The following SHOX variants were observed in gnomAD, a reference collection of about 807,000 sequenced individuals.
SHOX encodes SHOX homeobox.
Under a neutral mutation model 29.6 loss-of-function variants are expected in SHOX, and 12 were observed. That is an observed-to-expected ratio of 0.41 (90% CI 0.26 to 0.66). The LOEUF is 0.66. Among genes scored for constraint, SHOX ranks in the 30% least tolerant of loss-of-function variants. The probability of loss-of-function intolerance (pLI) is 0.35; values close to 1 mark genes in which losing one functional copy is unlikely to be tolerated. For missense variants in SHOX, 499 were observed against 437.7 expected (o/e 1.14, Z -1.25); for synonymous variants, 214 against 200.6 (o/e 1.07, Z -0.57).
intron 2 of SHOX, among the ~76,000 whole-genome samples, chrX:637,804 C>CGTGCT (rs1569494227): frequency 6.6e-6 from 1 of 152,122 alleles, no homozygotes; most frequent in South Asian, 2.1e-4. Context: ...CAGCCCGTCC[C>CGTGCT]GTGCTGTGAC....
At chrX:630,754 C>T (rs749268122), upstream of SHOX, 2 of 1,057,996 alleles carry the variant, frequency 1.9e-6, no homozygotes, top group Admixed American at 2.0e-5. Context: ...TGGGCGAGGT[C>T]GCCGCGTATA....
rs1195688907 is a variant in SHOX at position 646,531 on chromosome X, A to C, written c.*1895A>C. ...TTAGATACTTCTCCCTGAGGTGGGG[A>C]TAAAAGAAAAAAAAAAACAACTTCT... On this transcript the variant is annotated 3_prime_UTR_variant, in exon 5 of 5. Coordinates refer to ENST00000686671, the MANE Select transcript of SHOX (RefSeq NM_000451.4). The C allele has an allele frequency of 1.5e-5, 2 of 136,638 alleles. No individual in the cohort carries two copies. Among genetic ancestry groups the C allele is most frequent in the Admixed American group, 1.4e-4 (2 of 14,452 alleles). The allele number at this position is 136,638 out of a possible 1,614,324, so 8.5% of individuals were successfully genotyped here. A position where few individuals can be genotyped will look rare whatever the true frequency, so the allele number is the denominator to read the frequency against.
At chrX:641,520 C>G (rs1242441791) in intron 4 of SHOX, among the ~76,000 whole-genome samples, 4 of 152,058 alleles carry the variant, frequency 2.6e-5, no homozygotes, top group African/African-American at 4.8e-5. Context: ...GAAACCCCGT[C>G]TCTACTGAAA....
rs868781287 is a variant in SHOX, at chrX:648,984, T to G, written c.*4348T>G. Among the ~76,000 whole-genome samples, 6 of 145,870 alleles carry G rather than the reference T, an allele frequency of 4.1e-5. No homozygotes were observed. Among genetic ancestry groups the G allele is most frequent in the South Asian group, 2.2e-4 (1 of 4,638 alleles). ...TTCTTTCCTTTTTATCTTTCTCTCT[T>G]TTTCTTTCTCTTTTCCTTTTTTGTT... On this transcript the variant is annotated 3_prime_UTR_variant, in exon 5 of 5. Coordinates refer to ENST00000686671, the MANE Select transcript of SHOX (RefSeq NM_000451.4).
upstream of SHOX, among the ~76,000 whole-genome samples, chrX:626,585 G>GTATC (rs1569492223): frequency 0.021 from 479 of 23,186 alleles, 115 homozygotes; most frequent in African/African-American, 0.057. Flanking sequence ...CTGTATCTCT[G>GTATC]TCTGTCTCTG....
At chrX:642,274 G>T (rs1217955438) in intron 4 of SHOX, among the ~76,000 whole-genome samples, 1 of 152,000 alleles carries the variant, frequency 6.6e-6, no homozygotes, top group East Asian at 1.9e-4. Context: ...TGGGGGTCGG[G>T]AGTGCATGCG....
rs28612715 is a variant in SHOX, at chrX:649,228, C to T, written c.*4592C>T. Among the ~76,000 whole-genome samples, 107,055 of 151,708 alleles carry T rather than the reference C, an allele frequency of 0.71. 37,950 individuals carry two copies. Among genetic ancestry groups the T allele is most frequent in the African/African-American group, 0.76 (31,453 of 41,390 alleles). ...AATTTTTGTATTTTTTAGTAGAGAC[C>T]GGGTTTCGCCATGTTGGCCAGGCTG... On this transcript the variant is annotated 3_prime_UTR_variant, in exon 5 of 5. Coordinates refer to ENST00000686671, the MANE Select transcript of SHOX (RefSeq NM_000451.4).
chrX:633,390 G>A (rs1163654262), intron 1 of SHOX, among the ~76,000 whole-genome samples: 11 of 151,916 alleles, frequency 7.2e-5, no homozygotes, highest in Admixed American at 7.2e-4. Context: ...GGGAAGGAAT[G>A]GAGTGTTCTT....
At chrX:642,246 C>A (rs1332109832) in intron 4 of SHOX, among the ~76,000 whole-genome samples, 2 of 152,092 alleles carry the variant, frequency 1.3e-5, no homozygotes, top group African/African-American at 2.4e-5. Flanking sequence ...GTGCCCCTTG[C>A]CCCTTCGGTC....
intron 1 of SHOX, among the ~76,000 whole-genome samples, chrX:624,882 C>G (rs1159310023): frequency 2.7e-5 from 2 of 74,760 alleles, no homozygotes; most frequent in African/African-American, 1.7e-4. Context: ...TTCTTTCTTT[C>G]TTTCTTTCTT....
At chrX:630,582 C>G, upstream of SHOX, 3 of 507,656 alleles carry the variant, frequency 5.9e-6, no homozygotes, top group South Asian at 4.9e-5. Flanking sequence ...AAAATGGGAT[C>G]TTTCCCCCTT....
chrX:657,565 C>T (rs1224113097), intron 5 of SHOX, among the ~76,000 whole-genome samples: 34 of 152,172 alleles, frequency 2.2e-4, no homozygotes, highest in Admixed American at 2.2e-3. Flanking sequence ...CACACCCCCA[C>T]ACACAGGTGA....
intron 1 of SHOX, among the ~76,000 whole-genome samples, chrX:624,899 TTTCTCTCTTCC>T (rs1333408732): frequency 1.1e-4 from 8 of 73,218 alleles, no homozygotes; most frequent in Non-Finnish European, 1.6e-4. Context: ...TCTTTCTTTC[TTTCTCTCTTCC>T]TTTCTTTCTT....
rs1233534088 is a variant in SHOX at position 656,750 on chromosome X, G to C, written c.634-2035G>C. On this transcript the variant is annotated intron_variant, in intron 5 of 5. Transcript: ENST00000334060. The stretch of plus-strand genomic sequence containing the variant: ...CCCAGCTACTCAGGAGGCTGAGGCA[G>C]GAGAATGCCGTGAGCCTGGGAGGCG... Among the ~76,000 whole-genome samples the C allele has an allele frequency of 3.3e-5, 5 of 152,070 alleles. No individual in the cohort carries two copies. The East Asian group carries it at 9.7e-4, about 30-fold the overall frequency.
rs1374686814 is a variant in SHOX, at chrX:650,993, T to A, written c.*6357T>A. 6.6e-6 allele frequency among the ~76,000 whole-genome samples: 1 copy of A among 152,030 alleles called. No homozygotes were observed. Among genetic ancestry groups the A allele is most frequent in the East Asian group, 1.9e-4 (1 of 5,180 alleles). ...GTTTCAAAGCTATGAAATGTGCTATTTATTGAAAGGGGATGTGGCTTCACG... is the reference window on the plus strand; with the variant it reads ...GTTTCAAAGCTATGAAATGTGCTATATATTGAAAGGGGATGTGGCTTCACG... On this transcript the variant is annotated 3_prime_UTR_variant, in exon 5 of 5. Coordinates refer to ENST00000686671, the MANE Select transcript of SHOX (RefSeq NM_000451.4).
chrX:658,122 G>C (rs1429081876), intron 5 of SHOX, among the ~76,000 whole-genome samples: 5 of 151,564 alleles, frequency 3.3e-5, no homozygotes, highest in South Asian at 2.1e-4. Context: ...TCACAGGTGT[G>C]CACCACCACG....
intron 1 of SHOX, among the ~76,000 whole-genome samples, chrX:625,400 C>T (rs35099437): frequency 0.42 from 64,149 of 151,528 alleles, 14,785 homozygotes; most frequent in Non-Finnish European, 0.53. Context: ...CGGTCACATA[C>T]GCTAACAAGA....
chrX:639,685 G>A (rs1382349017), intron 2 of SHOX, among the ~76,000 whole-genome samples: 1 of 152,220 alleles, frequency 6.6e-6, no homozygotes, highest in Non-Finnish European at 1.5e-5. Context: ...TCTCACTTAG[G>A]CAGGGCACGG....
At chrX:641,137 T>C (rs2052847052) in intron 4 of SHOX, 50 bp downstream of exon 4, 1 of 1,538,712 alleles carries the variant, frequency 6.5e-7, no homozygotes, top group Non-Finnish European at 9.0e-7. Context: ...TGCTGCTCCC[T>C]TCCCCTTTCC....
Sources: allele counts gnomAD v4.1 joint callset (sites outside exome capture counted in the v4.1 genomes callset), GRCh38; gene constraint gnomAD v4.1.1; transcripts MANE v1.5; gene names NCBI Gene and HGNC (gene_info 2026-07-23, HGNC 2026-07-21).